GRM1: variants seen among roughly 807,000 people sequenced by gnomAD.
GRM1 encodes the protein glutamate metabotropic receptor 1, also known as metabotropic glutamate receptor 1.
GRM1 carries 33 observed loss-of-function variants against 90.9 expected under a neutral mutation model. The ratio of observed to expected loss-of-function variants is 0.36; its 90% CI spans 0.28 to 0.49. The LOEUF (loss-of-function observed/expected upper bound fraction) is 0.49. GRM1 is among the 20% of genes least tolerant of loss of function. The pLI is 0.99. For synonymous variants in GRM1, 700 were observed against 613.2 expected, an observed-to-expected ratio of 1.14 and a Z score of -2.09; for missense variants, 1,190 against 1,534.3, an observed-to-expected ratio of 0.78 and a Z score of 3.75.
intron 2 of GRM1, among the ~76,000 whole-genome samples, chr6:146,173,495 C>G (rs1778219182): frequency 1.3e-5 from 2 of 151,574 alleles, no homozygotes; most frequent in East Asian, 1.9e-4. Flanking sequence ...CATATCCCAT[C>G]TCTTTTTGTG....
intron 2 of GRM1, among the ~76,000 whole-genome samples, chr6:146,187,487 A>G (rs1285516819): frequency 1.3e-5 from 2 of 152,076 alleles, no homozygotes; most frequent in Non-Finnish European, 2.9e-5. Flanking sequence ...AGAGGTATGC[A>G]TTAAGGCACA....
At chr6:146,306,735 G>A (rs1488377937) in intron 3 of GRM1, among the ~76,000 whole-genome samples, 2 of 152,140 alleles carry the variant, frequency 1.3e-5, no homozygotes, top group Admixed American at 6.6e-5. Context: ...AATTGGGCCC[G>A]GTAGTGGGAA....
At chr6:146,304,917 A>G in intron 3 of GRM1, 71 bp downstream of exon 3, 1 of 1,078,648 alleles carries the variant, frequency 9.3e-7, no homozygotes, top group Non-Finnish European at 1.4e-6. Flanking sequence ...AACTTGTTGA[A>G]TGAGAATAGA....
At chr6:146,051,813 G>A (rs1046919678) in intron 1 of GRM1, among the ~76,000 whole-genome samples, 1 of 151,964 alleles carries the variant, frequency 6.6e-6, no homozygotes, top group African/African-American at 2.4e-5. Context: ...CATCACTACT[G>A]TTTCCCAAGC....
intron 2 of GRM1, among the ~76,000 whole-genome samples, chr6:146,218,268 G>A (rs935485162): frequency 2.0e-5 from 3 of 152,142 alleles, no homozygotes; most frequent in Admixed American, 6.6e-5. Context: ...GTGAGATCGA[G>A]AATAAGGTCC....
intron 6 of GRM1, among the ~76,000 whole-genome samples, chr6:146,390,652 AGTT>A (rs1404789938): frequency 2.6e-5 from 4 of 151,740 alleles, no homozygotes; most frequent in South Asian, 2.1e-4. Flanking sequence ...CCATTCCGAC[AGTT>A]GTTGTAACCT....
Position 146,220,419 on chromosome 6 carries a change from CATT to C in GRM1, c.950+60824_950+60826del, listed in dbSNP as rs150337990. Among the ~76,000 whole-genome samples the C allele has an allele frequency of 7.2e-4, 110 of 152,144 alleles. No individual in the cohort carries two copies. The East Asian group carries it at 0.02, about 28-fold the overall frequency. On this transcript the variant is annotated intron_variant, in intron 2 of 7. Coordinates refer to ENST00000282753, the MANE Select transcript of GRM1 (RefSeq NM_001278064.2). ...CTATTTTAATATTTTTTCACAAAAA[CATT>C]AGTCTGAAAAGTCCACCTATGTGCA...
At chr6:146,363,607 G>A (rs1382389180) in intron 5 of GRM1, among the ~76,000 whole-genome samples, 2 of 152,156 alleles carry the variant, frequency 1.3e-5, no homozygotes, top group Non-Finnish European at 2.9e-5. Context: ...GTATACATAT[G>A]TGTGGGTATA....
At chr6:146,410,941 T>C (rs944245755) in intron 7 of GRM1, among the ~76,000 whole-genome samples, 4 of 152,142 alleles carry the variant, frequency 2.6e-5, no homozygotes, top group Non-Finnish European at 2.9e-5. Context: ...ATAGGCTTGG[T>C]TTCAAGGGCT....
chr6:146,167,273 C>T (rs1242237538), intron 2 of GRM1, among the ~76,000 whole-genome samples: 1 of 152,102 alleles, frequency 6.6e-6, no homozygotes, highest in Non-Finnish European at 1.5e-5. Context: ...TCTCAACTTG[C>T]TTATCCATTT....
intron 2 of GRM1, among the ~76,000 whole-genome samples, chr6:146,298,570 T>C (rs749017853): frequency 1.3e-5 from 2 of 152,152 alleles, no homozygotes; most frequent in Admixed American, 6.5e-5. Context: ...TAACACAAGA[T>C]GATTTTGAGG....
At chr6:146,207,875 G>A (rs779167432) in intron 2 of GRM1, among the ~76,000 whole-genome samples, 30 of 152,108 alleles carry the variant, frequency 2.0e-4, no homozygotes, top group Admixed American at 4.6e-4. Flanking sequence ...TTTCCCTGAA[G>A]AGTTGTTGTA....
intron 1 of GRM1, among the ~76,000 whole-genome samples, chr6:146,060,829 G>C (rs910775901): frequency 6.6e-6 from 1 of 152,180 alleles, no homozygotes; most frequent in Admixed American, 6.6e-5. Flanking sequence ...TCACTGTGCT[G>C]CTTTCCACAG....
intron 1 of GRM1, among the ~76,000 whole-genome samples, chr6:146,048,463 T>C (rs1791412908): frequency 6.6e-6 from 1 of 152,060 alleles, no homozygotes; most frequent in South Asian, 2.1e-4. Flanking sequence ...CATTAAAACA[T>C]ATGCTTTTTC....
intron 7 of GRM1, among the ~76,000 whole-genome samples, chr6:146,415,738 C>T (rs1217333408): frequency 6.6e-6 from 1 of 152,168 alleles, no homozygotes; most frequent in East Asian, 1.9e-4. Context: ...TTGATGCTAT[C>T]TCTAGGTTTT....
At chr6:146,209,076 A>T (rs1002073062) in intron 2 of GRM1, among the ~76,000 whole-genome samples, 2 of 152,174 alleles carry the variant, frequency 1.3e-5, no homozygotes, top group Admixed American at 6.5e-5. Flanking sequence ...ATTAGTTATT[A>T]TTAATATTTT....
intron 1 of GRM1, among the ~76,000 whole-genome samples, chr6:146,048,660 G>T (rs1447655959): frequency 6.6e-6 from 1 of 151,870 alleles, no homozygotes; most frequent in Non-Finnish European, 1.5e-5. Flanking sequence ...ATTAGGGTGG[G>T]CCCCAATCCA....
intron 1 of GRM1, among the ~76,000 whole-genome samples, chr6:146,077,614 C>A (rs947474485): frequency 3.9e-5 from 6 of 152,094 alleles, no homozygotes; most frequent in Admixed American, 6.5e-5. Context: ...AGCCAATTAC[C>A]GACTGATTAC....
chr6:146,323,661 T>C (rs1784289981), intron 3 of GRM1, among the ~76,000 whole-genome samples: 1 of 152,224 alleles, frequency 6.6e-6, no homozygotes, highest in Non-Finnish European at 1.5e-5. Flanking sequence ...CATGAAGTCC[T>C]TGCCCATGCC....
Sources: allele counts gnomAD v4.1 joint callset (sites outside exome capture counted in the v4.1 genomes callset), GRCh38; gene constraint gnomAD v4.1.1; transcripts MANE v1.5; gene names NCBI Gene and HGNC (gene_info 2026-07-23, HGNC 2026-07-21).